The following WWOX variants were observed in gnomAD, a reference collection of about 807,000 sequenced individuals.
The protein encoded by WWOX is WW domain-containing oxidoreductase.
WWOX carries 69 observed loss-of-function variants against 46.2 expected under a neutral mutation model. That is an observed-to-expected ratio of 1.49 (90% confidence interval 1.23 to 1.82). WWOX has a LOEUF of 1.82. Among genes scored for constraint, WWOX ranks in the 40% most tolerant of loss-of-function variants. The pLI, the probability that WWOX is intolerant of heterozygous loss-of-function variation, is 0.00. For synonymous variants in WWOX, 359 were observed against 202.6 expected (o/e 1.77, Z -6.56); for missense variants, 919 against 542.6 (o/e 1.69, Z -6.89).
intron 8 of WWOX, among the ~76,000 whole-genome samples, chr16:78,917,248 C>G (rs1008759291): frequency 1.3e-5 from 2 of 152,178 alleles, no homozygotes; most frequent in Admixed American, 6.5e-5. Context: ...CCAAAGCTCA[C>G]GAACTGAGAG....
intron 6 of WWOX, among the ~76,000 whole-genome samples, chr16:78,419,124 C>T (rs143536262): frequency 2.6e-5 from 4 of 152,182 alleles, no homozygotes; most frequent in Admixed American, 6.5e-5. Flanking sequence ...GTTTAATATG[C>T]GTAAGTCAAT....
At chr16:78,421,819 A>G (rs1278618325) in intron 6 of WWOX, among the ~76,000 whole-genome samples, 1 of 152,156 alleles carries the variant, frequency 6.6e-6, no homozygotes, top group East Asian at 1.9e-4. Flanking sequence ...CTCCCTCATG[A>G]TATTAACTGT....
At chr16:78,149,105 C>G (rs577500315) in intron 4 of WWOX, among the ~76,000 whole-genome samples, 1 of 151,992 alleles carries the variant, frequency 6.6e-6, no homozygotes, top group Admixed American at 6.6e-5. Context: ...GATCCTCCTG[C>G]CTTGGCCTCC....
chr16:79,005,977 C>A (rs531630925), intron 8 of WWOX, among the ~76,000 whole-genome samples: 12 of 152,242 alleles, frequency 7.9e-5, no homozygotes, highest in South Asian at 6.2e-4. Flanking sequence ...TGGGGACAGG[C>A]GGCAGGTGTT....
chr16:78,407,943 G>C (rs377213022), intron 6 of WWOX, among the ~76,000 whole-genome samples: 1 of 152,148 alleles, frequency 6.6e-6, no homozygotes, highest in East Asian at 1.9e-4. Flanking sequence ...AAGTAATGTA[G>C]GAATGGACAT....
intron 8 of WWOX, among the ~76,000 whole-genome samples, chr16:79,191,070 G>T (rs562738210): frequency 6.6e-6 from 1 of 152,078 alleles, no homozygotes; most frequent in Non-Finnish European, 1.5e-5. Flanking sequence ...TTAAGAGACG[G>T]GGTCTCGCTC....
chr16:78,761,460 C>A (rs80169631), intron 8 of WWOX, among the ~76,000 whole-genome samples: 1 of 152,072 alleles, frequency 6.6e-6, no homozygotes, highest in African/African-American at 2.4e-5. Flanking sequence ...CCATTGTCAC[C>A]GGGGAGAAAT....
intron 8 of WWOX, among the ~76,000 whole-genome samples, chr16:79,021,765 A>T (rs1198702741): frequency 2.6e-5 from 4 of 152,076 alleles, no homozygotes; most frequent in African/African-American, 9.7e-5. Context: ...ATCTGTGTAC[A>T]CCCCCTCTTT....
At chr16:78,922,979 C>CTTTTCTTTTTTTCTTT (rs58281972) in intron 8 of WWOX, among the ~76,000 whole-genome samples, 4 of 111,648 alleles carry the variant, frequency 3.6e-5, no homozygotes, top group African/African-American at 2.0e-4. Flanking sequence ...AATTCTTTCT[C>CTTTTCTTTTTTTCTTT]TTTTCTTTTT....
intron 5 of WWOX, chr16:78,168,159 A>T (rs1157653766): frequency 6.6e-6 from 1 of 152,206 alleles, no homozygotes; most frequent in East Asian, 1.9e-4. Context: ...TCATGTGCCA[A>T]GGCTCCGTGG....
chr16:78,730,263 C>T (rs948402100), intron 8 of WWOX, among the ~76,000 whole-genome samples: 10 of 152,058 alleles, frequency 6.6e-5, no homozygotes, highest in African/African-American at 2.4e-4. Context: ...GTTAGTACCT[C>T]AATTTTACTG....
intron 5 of WWOX, among the ~76,000 whole-genome samples, chr16:78,176,190 A>AATT (rs2035339039): frequency 6.6e-6 from 1 of 152,162 alleles, no homozygotes; most frequent in African/African-American, 2.4e-5. Context: ...TCTCATCAGA[A>AATT]CCCAGCTAAA....
At chr16:78,846,033 A>G (rs1206039581) in intron 8 of WWOX, among the ~76,000 whole-genome samples, 1 of 152,214 alleles carries the variant, frequency 6.6e-6, no homozygotes, top group Non-Finnish European at 1.5e-5. Context: ...ACTGCACAGG[A>G]TGGAAAGCAT....
At chr16:78,378,394 G>T (rs2151927309) in intron 5 of WWOX, among the ~76,000 whole-genome samples, 1 of 152,218 alleles carries the variant, frequency 6.6e-6, no homozygotes, top group East Asian at 1.9e-4. Flanking sequence ...TTTCAGGTTT[G>T]ACTAAGAGAG....
intron 8 of WWOX, chr16:78,503,619 A>G (rs747067147): frequency 1.1e-4 from 16 of 152,192 alleles, no homozygotes; most frequent in Non-Finnish European, 1.5e-4. Flanking sequence ...ACCATTAGAA[A>G]TAAGATTTCT....
intron 8 of WWOX, among the ~76,000 whole-genome samples, chr16:78,805,644 T>C (rs1194270713): frequency 2.0e-5 from 3 of 152,176 alleles, no homozygotes; most frequent in African/African-American, 4.8e-5. Context: ...ACTTTGGATT[T>C]TTAGATTAAT....
intron 8 of WWOX, among the ~76,000 whole-genome samples, chr16:78,822,241 C>G (rs920965238): frequency 7.2e-5 from 11 of 152,066 alleles, no homozygotes; most frequent in Admixed American, 7.2e-4. Context: ...CCCCTGTAAT[C>G]ACAGCACTTT....
intron 8 of WWOX, among the ~76,000 whole-genome samples, chr16:78,458,293 C>G (rs919214915): frequency 1.3e-4 from 18 of 134,400 alleles, no homozygotes; most frequent in Middle Eastern, 4.9e-3. Context: ...CAGGGTCTTA[C>G]TGTGTTATTC....
At chr16:78,792,615 T>C (rs1567562978) in intron 8 of WWOX, among the ~76,000 whole-genome samples, 1 of 152,174 alleles carries the variant, frequency 6.6e-6, no homozygotes, top group Non-Finnish European at 1.5e-5. Context: ...CATTGCTCTG[T>C]CGCCCAAACA....
Sources: gnomAD v4.1 joint callset for allele counts (sites outside exome capture counted in the v4.1 genomes callset) on GRCh38, gnomAD v4.1.1 for gene constraint, MANE v1.5 for transcripts, NCBI Gene and HGNC (gene_info 2026-07-23, HGNC 2026-07-21) for gene names.